Variants in MBNL1 observed in about 807,000 individuals in gnomAD.
MBNL1 encodes muscleblind like splicing regulator 1.
MBNL1 carries 8 observed loss-of-function variants against 42.2 expected under a neutral mutation model. The ratio of observed to expected loss-of-function variants is 0.19; its 90% confidence interval spans 0.11 to 0.34. MBNL1 has a LOEUF of 0.34. Among genes scored for constraint, MBNL1 ranks in the 10% least tolerant of loss-of-function variants. The pLI, the probability that MBNL1 is intolerant of heterozygous loss-of-function variation, is 1.00. For missense variants in MBNL1, 309 were observed against 495.3 expected (o/e 0.62, Z 3.57); for synonymous variants, 169 against 173.9 (o/e 0.97, Z 0.22).
rs539291588 is a variant in MBNL1, at chr3:152,449,962, G to A, written c.961+2189G>A. On this transcript the variant is annotated intron_variant, in intron 6 of 9. Transcript: ENST00000324210. ...TCTACTAAAAATCCAAAAATTAGCC[G>A]GATGTGGTGATGCATGCCTGTAATC... 5.3e-5 allele frequency among the ~76,000 whole-genome samples: 8 copies of A among 151,918 alleles called. No homozygotes were observed. In the East Asian group the frequency reaches 5.8e-4, roughly 11 times the overall value.
At chr3:152,298,110 T>C (rs545459668) in intron 1 of MBNL1, among the ~76,000 whole-genome samples, 1 of 152,330 alleles carries the variant, frequency 6.6e-6, no homozygotes, top group African/African-American at 2.4e-5. Flanking sequence ...TGTACGTATG[T>C]ATTTATATCC....
intron 2 of MBNL1, among the ~76,000 whole-genome samples, chr3:152,399,554 C>T (rs2098126991): frequency 6.6e-6 from 1 of 151,806 alleles, no homozygotes; most frequent in Non-Finnish European, 1.5e-5. Flanking sequence ...GCTCTGTCAC[C>T]CAGGCTGGAG....
chr3:152,414,043 A>G (rs1364679227), intron 2 of MBNL1, among the ~76,000 whole-genome samples: 1 of 152,082 alleles, frequency 6.6e-6, no homozygotes, highest in Admixed American at 6.5e-5. Flanking sequence ...AGCCTCCCAA[A>G]GTGCTAAGAT....
rs151182030 is a variant in MBNL1, at chr3:152,444,568, G to A, written c.550-714G>A. Reference sequence around the variant, plus strand: ...AATGGACCCAAGAGTTTCTGTCTACGCTTTACTGATCTAAATATTAATATC... The same window carrying A: ...AATGGACCCAAGAGTTTCTGTCTACACTTTACTGATCTAAATATTAATATC... On this transcript the variant is annotated intron_variant, in intron 4 of 9. Coordinates refer to ENST00000324210, the MANE Select transcript of MBNL1 (RefSeq NM_021038.5). Among the ~76,000 whole-genome samples, 645 of 152,148 alleles carry A rather than the reference G, an allele frequency of 4.2e-3. 5 individuals carry two copies. Among genetic ancestry groups the A allele is most frequent in the African/African-American group, 0.014 (588 of 41,496 alleles).
Position 152,316,606 on chromosome 3 carries a change from C to A in MBNL1, c.174+16239C>A, listed in dbSNP as rs114275143. 6.4e-3 allele frequency among the ~76,000 whole-genome samples: 974 copies of A among 152,256 alleles called. 9 individuals carry two copies. Among genetic ancestry groups the A allele is most frequent in the African/African-American group, 0.022 (931 of 41,538 alleles). ...CATCACCTAGTCCTGCTTGCTCCAT[C>A]ACCTAGTTGGAATTTCTAAATCAAC... On this transcript the variant is annotated intron_variant, in intron 2 of 9. Coordinates refer to ENST00000324210, the MANE Select transcript of MBNL1 (RefSeq NM_021038.5).
intron 1 of MBNL1, among the ~76,000 whole-genome samples, chr3:152,296,710 G>A (rs1029517997): frequency 1.3e-4 from 19 of 149,586 alleles, no homozygotes; most frequent in African/African-American, 3.4e-4. Context: ...GTTTTCAAAT[G>A]TATGTTTCAG....
intron 3 of MBNL1, among the ~76,000 whole-genome samples, 173 bp downstream of exon 3, chr3:152,415,284 G>A (rs1357381030): frequency 2.0e-5 from 3 of 152,298 alleles, no homozygotes; most frequent in South Asian, 2.1e-4. Context: ...TATACTTTGT[G>A]TAGGCACTCA....
chr3:152,382,983 G>C (rs1579165614), intron 2 of MBNL1, among the ~76,000 whole-genome samples: 1 of 152,036 alleles, frequency 6.6e-6, no homozygotes, highest in East Asian at 1.9e-4. Flanking sequence ...TCAAAACCAG[G>C]AGAAAGGAAG....
rs1413189053 is a variant in MBNL1 at position 152,415,024 on chromosome 3, C to T, written c.258C>T (p.Asn86=). The change falls in exon 3 of 10, where the codon AAC becomes AAT. Residue 86 remains asparagine (N), a synonymous_variant. Transcript: ENST00000324210. The part of the protein sequence containing the change: ...KTQLEINGRN[N]LIQQKNMAML... ...AGTTGGAGATAAATGGACGCAATAACTTGATTCAGCAGAAGAACATGGCCA... is the reference window on the plus strand; with the variant it reads ...AGTTGGAGATAAATGGACGCAATAATTTGATTCAGCAGAAGAACATGGCCA... 1 of 1,610,548 alleles carries T rather than the reference C, an allele frequency of 6.2e-7. No homozygotes were observed.
intron 2 of MBNL1, among the ~76,000 whole-genome samples, chr3:152,318,239 G>T (rs1348030375): frequency 1.3e-5 from 2 of 152,144 alleles, no homozygotes; most frequent in Non-Finnish European, 2.9e-5. Context: ...ACAGGTCACC[G>T]TTGGAAGAAA....
intron 2 of MBNL1, among the ~76,000 whole-genome samples, chr3:152,257,672 AG>A (rs1190697931): frequency 1.3e-5 from 2 of 152,194 alleles, no homozygotes; most frequent in Admixed American, 6.5e-5. Flanking sequence ...CACATTTTTC[AG>A]GGAGGTAGGA....
chr3:152,284,874 A>G (rs1233586937), intron 1 of MBNL1, among the ~76,000 whole-genome samples: 2 of 152,178 alleles, frequency 1.3e-5, no homozygotes, highest in African/African-American at 4.8e-5. Context: ...TAAAAAAATC[A>G]TGCTCAAAGA....
intron 2 of MBNL1, among the ~76,000 whole-genome samples, chr3:152,359,093 C>A (rs2095746738): frequency 6.6e-6 from 1 of 152,106 alleles, no homozygotes; most frequent in Non-Finnish European, 1.5e-5. Context: ...CCTGAAATAA[C>A]ACAATTTAAG....
intron 3 of MBNL1, among the ~76,000 whole-genome samples, chr3:152,424,363 C>T (rs1032457676): frequency 3.9e-5 from 6 of 152,090 alleles, no homozygotes; most frequent in East Asian, 3.9e-4. Flanking sequence ...ATATAATTTA[C>T]GAGAGATATG....
In MBNL1 at chr3:152,445,278, A is replaced by G. The variant is rs758484522; in HGVS notation, c.550-4A>G. 6 of 1,612,600 alleles carry G rather than the reference A, an allele frequency of 3.7e-6. No individual in the cohort carries two copies. Among genetic ancestry groups the G allele is most frequent in the Non-Finnish European group, 5.1e-6 (6 of 1,178,996 alleles). On this transcript the variant is annotated splice_polypyrimidine_tract_variant and splice_region_variant and intron_variant, in intron 4 of 9. Coordinates refer to ENST00000324210, the MANE Select transcript of MBNL1 (RefSeq NM_021038.5). Reference sequence around the variant, plus strand: ...TAAACCTCATGTACTTAATGACCTCATAGGTATGTCGAGAGTACCAACGTG... The same window carrying G: ...TAAACCTCATGTACTTAATGACCTCGTAGGTATGTCGAGAGTACCAACGTG...
intron 1 of MBNL1, among the ~76,000 whole-genome samples, chr3:152,286,699 G>A (rs1414644037): frequency 1.3e-5 from 2 of 151,380 alleles, no homozygotes; most frequent in Non-Finnish European, 2.9e-5. Flanking sequence ...ATCACAATCT[G>A]TAAAGCATTT....
rs1336244970 is a variant in MBNL1 at position 152,344,891 on chromosome 3, C to T, written c.174+44524C>T. Among the ~76,000 whole-genome samples the T allele has an allele frequency of 2.0e-5, 3 of 152,052 alleles. No individual in the cohort carries two copies. The East Asian group carries it at 5.8e-4, about 29-fold the overall frequency. ...ACAAATGTCCATACAGATGGAAAGG[C>T]ACACAAAGACACACAGACACCCATG... On this transcript the variant is annotated intron_variant, in intron 2 of 9. Coordinates refer to ENST00000324210, the MANE Select transcript of MBNL1 (RefSeq NM_021038.5).
chr3:152,342,110 C>A (rs997881372), intron 2 of MBNL1, among the ~76,000 whole-genome samples: 4 of 152,156 alleles, frequency 2.6e-5, no homozygotes, highest in Non-Finnish European at 2.9e-5. Context: ...CACAGCTGGA[C>A]ACAGGATTCA....
intron 2 of MBNL1, among the ~76,000 whole-genome samples, chr3:152,320,303 A>G (rs900109124): frequency 1.5e-4 from 23 of 152,158 alleles, no homozygotes; most frequent in Non-Finnish European, 3.4e-4. Flanking sequence ...AGCATCCTTC[A>G]TTTGTGATAG....
Sources: gnomAD v4.1 joint callset for allele counts (sites outside exome capture counted in the v4.1 genomes callset) on GRCh38, gnomAD v4.1.1 for gene constraint, MANE v1.5 for transcripts, NCBI Gene and HGNC (gene_info 2026-07-23, HGNC 2026-07-21) for gene names.